Variants in TMEM26 observed in about 807,000 individuals in gnomAD.
The protein encoded by TMEM26 is transmembrane protein 26.
Under a neutral mutation model 28.8 loss-of-function variants are expected in TMEM26, and 38 were observed. That is an observed-to-expected ratio of 1.32 (90% CI 1.02 to 1.73). The LOEUF is 1.73. TMEM26 is among the 40% of genes most tolerant of loss of function. TMEM26 has a pLI of 0.00. For synonymous variants in TMEM26, 227 were observed against 182.9 expected (o/e 1.24, Z -1.95); for missense variants, 518 against 447.1 (o/e 1.16, Z -1.43).
At chr10:61,423,865 A>T (rs916149878) in intron 4 of TMEM26, among the ~76,000 whole-genome samples, 1 of 152,228 alleles carries the variant, frequency 6.6e-6, no homozygotes, top group African/African-American at 2.4e-5. Flanking sequence ...ACAAGTAATT[A>T]TGTCAATAAA....
At chr10:61,411,471 G>A (rs1839568600) in intron 5 of TMEM26, among the ~76,000 whole-genome samples, 1 of 152,156 alleles carries the variant, frequency 6.6e-6, no homozygotes, top group Non-Finnish European at 1.5e-5. Context: ...CTGTTTGTTG[G>A]TTTACACACT....
intron 4 of TMEM26, among the ~76,000 whole-genome samples, chr10:61,421,297 G>A (rs1248128434): frequency 5.9e-5 from 9 of 151,434 alleles, no homozygotes; most frequent in Non-Finnish European, 8.8e-5. Flanking sequence ...GAGTAACACA[G>A]AAATAAAAAG....
intron 1 of TMEM26, among the ~76,000 whole-genome samples, chr10:61,451,996 TATA>T (rs1840291248): frequency 6.6e-6 from 1 of 151,740 alleles, no homozygotes; most frequent in Admixed American, 6.6e-5. Context: ...GATATATATA[TATA>T]TATATATGAA....
At chr10:61,430,961 T>C (rs1839911564) in intron 3 of TMEM26, among the ~76,000 whole-genome samples, 1 of 152,058 alleles carries the variant, frequency 6.6e-6, no homozygotes, top group African/African-American at 2.4e-5. Context: ...TGTGCACATA[T>C]TATCTTCTTT....
intron 4 of TMEM26, chr10:61,414,841 G>A (rs908459814): frequency 3.3e-6 from 1 of 302,506 alleles, no homozygotes; most frequent in Non-Finnish European, 4.9e-6. Context: ...GTAATGTTAT[G>A]TAAATTGATG....
intron 4 of TMEM26, among the ~76,000 whole-genome samples, chr10:61,424,285 A>T (rs1245419839): frequency 1.3e-5 from 2 of 152,178 alleles, no homozygotes; most frequent in Non-Finnish European, 1.5e-5. Flanking sequence ...TGAAAATAAA[A>T]TTAAAAAAAT....
intron 1 of TMEM26, among the ~76,000 whole-genome samples, chr10:61,452,286 G>T (rs1325417002): frequency 3.3e-5 from 5 of 152,222 alleles, no homozygotes; most frequent in African/African-American, 1.2e-4. Context: ...TAGGCAGGCC[G>T]TTAGCCAAGC....
At chr10:61,451,270 G>A (rs1274613752) in intron 1 of TMEM26, among the ~76,000 whole-genome samples, 1 of 152,154 alleles carries the variant, frequency 6.6e-6, no homozygotes, top group Non-Finnish European at 1.5e-5. Flanking sequence ...ATTGGCTATA[G>A]TATTTACACA....
chr10:61,418,482 C>A (rs374522219), intron 4 of TMEM26, among the ~76,000 whole-genome samples: 6 of 151,816 alleles, frequency 4.0e-5, no homozygotes, highest in Admixed American at 6.6e-5. Context: ...AGTTTCTTAA[C>A]GTAAATGCTG....
chr10:61,440,360 G>T (rs537034743), intron 1 of TMEM26, among the ~76,000 whole-genome samples: 1 of 152,158 alleles, frequency 6.6e-6, no homozygotes, highest in African/African-American at 2.4e-5. Context: ...TCAATGTTGA[G>T]GCAATTACTG....
intron 4 of TMEM26, 105 bp from the exon 5 acceptor site, chr10:61,413,640 G>A (rs1839605624): frequency 7.5e-7 from 1 of 1,336,390 alleles, no homozygotes; most frequent in Non-Finnish European, 9.6e-7. Flanking sequence ...ACCTCTTGTG[G>A]CCAAAATATC....
chr10:61,439,243 G>T (rs1447955416), intron 1 of TMEM26, among the ~76,000 whole-genome samples: 1 of 152,176 alleles, frequency 6.6e-6, no homozygotes. Flanking sequence ...ATGCTGTACT[G>T]TTTTATAGTT....
At chr10:61,424,817 A>C (rs1174971294) in intron 4 of TMEM26, among the ~76,000 whole-genome samples, 1 of 152,212 alleles carries the variant, frequency 6.6e-6, no homozygotes, top group Non-Finnish European at 1.5e-5. Flanking sequence ...CAATATAATA[A>C]AGAAAGACTC....
chr10:61,443,180 C>A (rs190681531), intron 1 of TMEM26, among the ~76,000 whole-genome samples: 1 of 151,588 alleles, frequency 6.6e-6, no homozygotes, highest in Non-Finnish European at 1.5e-5. Flanking sequence ...AGGCCCGGTG[C>A]AGTGTGTCAC....
At position 61,413,061 on chromosome 10, in the gene TMEM26, C is replaced by G. The variant is rs1211652818; in HGVS notation, c.682+398G>C. 3 of 861,000 alleles carry G rather than the reference C, an allele frequency of 3.5e-6. No individual in the cohort carries two copies. In the East Asian group the frequency reaches 1.9e-4, roughly 56 times the overall value. The allele number at this position is 861,000 out of a possible 1,614,324, so 53.3% of individuals were successfully genotyped here. A position where few individuals can be genotyped will look rare whatever the true frequency, so the allele number is the denominator to read the frequency against. ...AGAAATAAAACTTTTATGGCAGCAA[C>G]TTGCTAAGCAAACTGTATATTACTG... On this transcript the variant is annotated intron_variant, in intron 5 of 5. Transcript: ENST00000399298.
chr10:61,425,337 C>T (rs553863865), intron 4 of TMEM26, among the ~76,000 whole-genome samples: 1 of 152,132 alleles, frequency 6.6e-6, no homozygotes, highest in South Asian at 2.1e-4. Flanking sequence ...AGGGACACAG[C>T]CAAACCATAT....
Position 61,424,729 on chromosome 10 carries a change from A to C in TMEM26, c.605+4197T>G, listed in dbSNP as rs112988007. Among the ~76,000 whole-genome samples, 1,094 of 152,294 alleles carry C rather than the reference A, an allele frequency of 7.2e-3. 8 individuals carry two copies. The highest frequency in any genetic ancestry group is 0.025 in the African/African-American group (1,046 of 41,572). On this transcript the variant is annotated intron_variant, in intron 4 of 5. Coordinates refer to ENST00000399298, the MANE Select transcript of TMEM26 (RefSeq NM_178505.8). ...TATTGGTATAATGACAAACAAATAA[A>C]ACAATGGAACACAACAGAAAGTCCA...
chr10:61,452,812 C>A (rs375827228), intron 1 of TMEM26, 79 bp downstream of exon 1: 5 of 1,494,030 alleles, frequency 3.3e-6, no homozygotes, highest in African/African-American at 1.4e-5. Context: ...CTGCGGGTTG[C>A]GGGAAGATGG....
In TMEM26 at chr10:61,419,220, C is replaced by A. The variant is rs1433216045; in HGVS notation, c.606-5685G>T. ...AGATAACATGGTTATAATACATTAT[C>A]CAAAATGCCCAGTTCTCAACAAAGG... On this transcript the variant is annotated intron_variant, in intron 4 of 5. Coordinates refer to ENST00000399298, the MANE Select transcript of TMEM26 (RefSeq NM_178505.8). 3.3e-5 allele frequency among the ~76,000 whole-genome samples: 5 copies of A among 152,034 alleles called. No individual in the cohort carries two copies. In the East Asian group the frequency reaches 9.7e-4, roughly 29 times the overall value.
Sources: allele counts gnomAD v4.1 joint callset (sites outside exome capture counted in the v4.1 genomes callset), GRCh38; gene constraint gnomAD v4.1.1; transcripts MANE v1.5; gene names NCBI Gene and HGNC (gene_info 2026-07-23, HGNC 2026-07-21).